Variants in TRAF2 observed in about 807,000 individuals in gnomAD.
TRAF2 encodes the protein TNF receptor associated factor 2, also known as TNF receptor-associated factor 2.
A neutral mutation model predicts 55.6 loss-of-function variants in TRAF2; 6 were observed. The observed-to-expected ratio is 0.11, with a 90% CI of 0.06 to 0.21. TRAF2 has a LOEUF of 0.21. Ranked by LOEUF, TRAF2 falls within the 10% of genes least tolerant of loss-of-function variation. The probability of loss-of-function intolerance (pLI) is 1.00; values close to 1 mark genes in which losing one functional copy is unlikely to be tolerated. For missense variants in TRAF2, 561 were observed against 684.5 expected (o/e 0.82, Z 2.01); for synonymous variants, 329 against 276.3 (o/e 1.19, Z -1.89).
intron 5 of TRAF2, among the ~76,000 whole-genome samples, chr9:136,908,871 GAAAAAAAA>G (rs11418746): frequency 1.2e-5 from 1 of 84,464 alleles, no homozygotes; most frequent in Non-Finnish European, 2.1e-5. Context: ...TTCCGTCTCG[GAAAAAAAA>G]AAAAAAAAAA....
upstream of TRAF2, among the ~76,000 whole-genome samples, chr9:136,883,150 G>A (rs1346889290): frequency 2.6e-5 from 4 of 151,784 alleles, no homozygotes; most frequent in Non-Finnish European, 4.4e-5. Flanking sequence ...GATTACAGGC[G>A]TGAGCCACCA....
In TRAF2 at chr9:136,926,145, G is replaced by A. The variant is rs1346433932; in HGVS notation, c.*244G>A. 1 of 699,044 alleles carries A rather than the reference G, an allele frequency of 1.4e-6. No homozygotes were observed. Among genetic ancestry groups the A allele is most frequent in the South Asian group, 1.5e-5 (1 of 68,350 alleles). 43.3% of individuals were successfully genotyped at this position (699,044 alleles called of 1,614,324 possible). A position where few individuals can be genotyped will look rare whatever the true frequency, so the allele number is the denominator to read the frequency against. Reference sequence around the variant, plus strand: ...CTTAGCCAAGGGCTGTGGTGGCATTGGCCGAGGGTCTTCGGGTGCTTCCCA... The same window carrying A: ...CTTAGCCAAGGGCTGTGGTGGCATTAGCCGAGGGTCTTCGGGTGCTTCCCA... On this transcript the variant is annotated 3_prime_UTR_variant, in exon 11 of 11. Coordinates refer to ENST00000247668, the MANE Select transcript of TRAF2 (RefSeq NM_021138.4).
intron 7 of TRAF2, among the ~76,000 whole-genome samples, chr9:136,918,881 C>G (rs546317316): frequency 2.0e-5 from 3 of 151,278 alleles, no homozygotes; most frequent in South Asian, 4.2e-4. Flanking sequence ...ATTACAAGCA[C>G]ACACCACCAG....
chr9:136,925,437 G>A (rs561778484), intron 10 of TRAF2, among the ~76,000 whole-genome samples: 6 of 152,250 alleles, frequency 3.9e-5, no homozygotes, highest in Non-Finnish European at 7.3e-5. Context: ...CAGTGGACAG[G>A]AAAGGCCAGA....
chr9:136,907,966 C>A (rs953227806), intron 4 of TRAF2, 104 bp from the exon 5 acceptor site: 2 of 1,439,676 alleles, frequency 1.4e-6, no homozygotes, highest in Non-Finnish European at 1.9e-6. Context: ...GACCAGCATG[C>A]GGACACCAAG....
intron 1 of TRAF2, among the ~76,000 whole-genome samples, chr9:136,897,164 C>T (rs930724433): frequency 4.8e-5 from 3 of 62,678 alleles, no homozygotes; most frequent in South Asian, 6.2e-4. Context: ...AGTCTCTGCC[C>T]GGGACGCTGA....
intron 6 of TRAF2, among the ~76,000 whole-genome samples, chr9:136,915,606 C>A (rs1387531024): frequency 6.6e-6 from 1 of 151,870 alleles, no homozygotes; most frequent in East Asian, 1.9e-4. Flanking sequence ...AAACACTCTG[C>A]CATCTTCCAT....
chr9:136,925,884 G>A lies in TRAF2; in HGVS notation c.1489G>A (p.Asp497Asn), dbSNP rs1564424686. 6.2e-7 allele frequency: 1 copy of A among 1,614,202 alleles called. No homozygotes were observed. The highest frequency in any genetic ancestry group is 8.5e-7 in the Non-Finnish European group (1 of 1,180,050). Residue 497 changes from aspartate (D) to asparagine (N), a missense_variant, in exon 11 of 11, where the codon GAC becomes AAC. Around this residue, in one of 2 missense-constraint regions of TRAF2, gnomAD observed 135 missense variants for 207.7 expected, o/e 0.65. Coordinates refer to ENST00000247668, the MANE Select transcript of TRAF2 (RefSeq NM_021138.4). ...DDAIFIKAIV[D>N]LTGL is the part of the protein sequence containing the mutation. ...TGCCATCTTCATCAAGGCCATTGTG[G>A]ACCTGACAGGGCTCTAACTGCCCCC...
intron 5 of TRAF2, among the ~76,000 whole-genome samples, chr9:136,909,052 GAAA>G (rs1419719284): frequency 3.4e-5 from 5 of 147,252 alleles, no homozygotes; most frequent in African/African-American, 7.5e-5. Flanking sequence ...AAAAAAAAAA[GAAA>G]AAAAATTTTT....
At chr9:136,902,161 G>A (rs1849835848) in intron 4 of TRAF2, 1 of 152,022 alleles carries the variant, frequency 6.6e-6, no homozygotes, top group Non-Finnish European at 1.5e-5. Flanking sequence ...GCTCCTGTGT[G>A]GCTCTGCCGC....
rs116933326 is a variant in TRAF2, at chr9:136,925,856, C to G, written c.1461C>G (p.Asp487Glu). The G allele has an allele frequency of 5.0e-6, 8 of 1,614,238 alleles. No homozygotes were observed. Among genetic ancestry groups the G allele is most frequent in the Non-Finnish European group, 6.8e-6 (8 of 1,180,046 alleles). Residue 487 changes from aspartate to glutamate, a missense_variant, in exon 11 of 11, where the codon GAC becomes GAG. Asp to Glu is a conservative substitution (Grantham distance 45). Around this residue, in one of 2 missense-constraint regions of TRAF2, gnomAD observed 135 missense variants for 207.7 expected, o/e 0.65. Coordinates refer to ENST00000247668, the MANE Select transcript of TRAF2 (RefSeq NM_021138.4). ...KMEAKNSYVR[D>E]DAIFIKAIVD... ...AGGCAAAGAATTCCTACGTGCGGGA[C>G]GATGCCATCTTCATCAAGGCCATTG... is the stretch of plus-strand genomic sequence containing the variant.
At position 136,898,740 on chromosome 9, in the gene TRAF2, C is replaced by T. The variant is rs1489571734; in HGVS notation, c.-1C>T. On this transcript the variant is annotated 5_prime_UTR_variant, in exon 2 of 11. Coordinates refer to ENST00000247668, the MANE Select transcript of TRAF2 (RefSeq NM_021138.4). The stretch of plus-strand genomic sequence containing the variant: ...CTTTGTTCGCGGGGGTCACAGCTCT[C>T]ATGGCTGCAGCTAGCGTGACCCCCC... The T allele has an allele frequency of 3.1e-6, 5 of 1,613,226 alleles. No individual in the cohort carries two copies. The highest frequency in any genetic ancestry group is 4.2e-6 in the Non-Finnish European group (5 of 1,180,028).
At chr9:136,909,859 G>T in intron 5 of TRAF2, 61 bp from the exon 6 acceptor site, 3 of 1,568,608 alleles carry the variant, frequency 1.9e-6, no homozygotes, top group Non-Finnish European at 2.6e-6. Context: ...ACTGTGTGCC[G>T]CCCTCCACCC....
intron 6 of TRAF2, among the ~76,000 whole-genome samples, chr9:136,914,940 A>G (rs1017177357): frequency 1.3e-5 from 2 of 150,972 alleles, no homozygotes; most frequent in African/African-American, 4.9e-5. Flanking sequence ...AGCACTTTGA[A>G]AGGCGGAGGC....
At chr9:136,899,250 G>A (rs1385097887) in intron 2 of TRAF2, among the ~76,000 whole-genome samples, 1 of 152,220 alleles carries the variant, frequency 6.6e-6, no homozygotes, top group Non-Finnish European at 1.5e-5. Context: ...GCTCTAGGCA[G>A]CTAAGACAGC....
At chr9:136,900,018 T>C (rs1849777181) in intron 3 of TRAF2, among the ~76,000 whole-genome samples, 1 of 151,948 alleles carries the variant, frequency 6.6e-6, no homozygotes, top group South Asian at 2.1e-4. Flanking sequence ...ATACAAAAAA[T>C]TAGCCGGGTG....
At chr9:136,917,786 C>G (rs1277850595) in intron 7 of TRAF2, among the ~76,000 whole-genome samples, 1 of 152,138 alleles carries the variant, frequency 6.6e-6, no homozygotes, top group Admixed American at 6.5e-5. Context: ...TTCTGCTGTC[C>G]GTGTTCTTGT....
In TRAF2 at chr9:136,916,557, A is replaced by G; in HGVS notation, c.620A>G (p.Lys207Arg). The change falls in exon 7 of 11, where the codon AAG (lysine) becomes AGG (arginine). Residue 207 changes from lysine (K) to arginine (R), a missense_variant. Physicochemically the swap from Lys to Arg is conservative, Grantham distance 26. Transcript: ENST00000247668. ...IPREKFQDHVKTCGKCRVPCR... is the reference protein window; with the variant it reads ...IPREKFQDHVRTCGKCRVPCR... ...CCCTTGTAGTTTCAGGACCACGTCAAGACTTGTGGCAAGTGTCGAGTCCCT... is the reference window on the plus strand; with the variant it reads ...CCCTTGTAGTTTCAGGACCACGTCAGGACTTGTGGCAAGTGTCGAGTCCCT... The G allele has an allele frequency of 6.2e-7, 1 of 1,614,106 alleles. No individual in the cohort carries two copies.
At chr9:136,916,175 G>A (rs1057102880) in intron 6 of TRAF2, among the ~76,000 whole-genome samples, 12 of 152,150 alleles carry the variant, frequency 7.9e-5, no homozygotes, top group Admixed American at 4.6e-4. Flanking sequence ...ACCACGCACC[G>A]GGTGAGCAGT....
Sources: gnomAD v4.1 joint callset for allele counts (sites outside exome capture counted in the v4.1 genomes callset) on GRCh38, gnomAD v4.1.1 for gene constraint, gnomAD v4.1.1 regional missense constraint, MANE v1.5 for transcripts, NCBI Gene and HGNC (gene_info 2026-07-23, HGNC 2026-07-21) for gene names.